FAM168A: variants seen among roughly 807,000 people sequenced by gnomAD.
FAM168A encodes family with sequence similarity 168 member A.
A neutral mutation model predicts 28.5 loss-of-function variants in FAM168A; 3 were observed. The observed-to-expected ratio is 0.11, with a 90% CI of 0.05 to 0.27. The LOEUF is 0.27. FAM168A is among the 10% of genes least tolerant of loss of function. FAM168A has a pLI of 1.00. For missense variants in FAM168A, 222 were observed against 311.5 expected (o/e 0.71, Z 2.16); for synonymous variants, 122 against 124.2 (o/e 0.98, Z 0.12).
chr11:73,484,682 CTATAGATATATAGA>C (rs1270666878), intron 1 of FAM168A, among the ~76,000 whole-genome samples: 1,396 of 128,828 alleles, frequency 0.011, 14 homozygotes, highest in Non-Finnish European at 0.014. Context: ...ATATGTATCG[CTATAGATATATAGA>C]TATAGATATA....
At chr11:73,475,955 G>A (rs889151177) in intron 1 of FAM168A, among the ~76,000 whole-genome samples, 1 of 152,142 alleles carries the variant, frequency 6.6e-6, no homozygotes, top group Non-Finnish European at 1.5e-5. Flanking sequence ...GCTACTCTGA[G>A]GTCATACTAG....
At chr11:73,413,339 G>T (rs1016363824) in intron 4 of FAM168A, among the ~76,000 whole-genome samples, 1 of 152,214 alleles carries the variant, frequency 6.6e-6, no homozygotes, top group African/African-American at 2.4e-5. Flanking sequence ...AGAATGGAAA[G>T]TACATATGAA....
rs149838048 is a variant in FAM168A, at chr11:73,491,610, T to C, written c.-18-23118A>G. The stretch of plus-strand genomic sequence containing the variant: ...TAAGTAACAGACCGGGGACTTGAAC[T>C]CAAGTTCCCTATTCTTTCTCCTGCA... On this transcript the variant is annotated intron_variant, in intron 1 of 7. Transcript: ENST00000356467. Among the ~76,000 whole-genome samples, 62 of 152,334 alleles carry C rather than the reference T, an allele frequency of 4.1e-4. 1 individual carries two copies. In the East Asian group the frequency reaches 0.011, roughly 28 times the overall value.
Position 73,404,924 on chromosome 11 carries a change from CCCCCAGAGGGGCTGCTGGCCCAG to C in FAM168A, c.*1816_*1838del, listed in dbSNP as rs1173978854. 6.6e-6 allele frequency: 1 copy of C among 152,246 alleles called. No individual in the cohort carries two copies. Among genetic ancestry groups the C allele is most frequent in the African/African-American group, 2.4e-5 (1 of 41,474 alleles). The allele number at this position is 152,246 out of a possible 1,614,324, so 9.4% of individuals were successfully genotyped here. ...TTTACAATAAAATGTTCGTGCCCCA[CCCCCAGAGGGGCTGCTGGCCCAG>C]CCAAGCGCTGGGTGCCGGAGGCTGC... On this transcript the variant is annotated 3_prime_UTR_variant, in exon 8 of 8. Coordinates refer to ENST00000356467, the MANE Select transcript of FAM168A (RefSeq NM_015159.3).
At chr11:73,443,770 G>C (rs1257766061) in intron 2 of FAM168A, among the ~76,000 whole-genome samples, 2 of 152,134 alleles carry the variant, frequency 1.3e-5, no homozygotes, top group Non-Finnish European at 2.9e-5. Context: ...CCTGGGTTTT[G>C]ATATTTTAAA....
At chr11:73,439,065 T>C (rs1238486463) in intron 2 of FAM168A, among the ~76,000 whole-genome samples, 5 of 152,028 alleles carry the variant, frequency 3.3e-5, no homozygotes, top group Non-Finnish European at 7.4e-5. Context: ...GCTGGGAGGC[T>C]TGACTGCTGA....
intron 2 of FAM168A, among the ~76,000 whole-genome samples, chr11:73,434,618 A>ACTCTAC (rs1380194730): frequency 2.2e-4 from 34 of 152,338 alleles, no homozygotes; most frequent in African/African-American, 8.2e-4. Context: ...GTAGTAGTAG[A>ACTCTAC]GTAAGTCAGA....
At chr11:73,593,972 T>C (rs1327189085) in intron 1 of FAM168A, among the ~76,000 whole-genome samples, 1 of 152,254 alleles carries the variant, frequency 6.6e-6, no homozygotes, top group Non-Finnish European at 1.5e-5. Flanking sequence ...AACTGCTTTC[T>C]GTTCATTTTT....
At chr11:73,432,076 G>A (rs553152933) in intron 2 of FAM168A, among the ~76,000 whole-genome samples, 2 of 152,240 alleles carry the variant, frequency 1.3e-5, no homozygotes, top group Admixed American at 6.5e-5. Context: ...TGTGTTTAAG[G>A]TTCATCCATG....
At chr11:73,420,686 C>G (rs938698951) in intron 3 of FAM168A, among the ~76,000 whole-genome samples, 10 of 152,224 alleles carry the variant, frequency 6.6e-5, no homozygotes, top group Admixed American at 1.3e-4. Context: ...GGGTGCCCCA[C>G]CTGGGATATT....
chr11:73,522,631 T>C (rs1035829589), intron 1 of FAM168A, among the ~76,000 whole-genome samples: 2 of 150,808 alleles, frequency 1.3e-5, no homozygotes, highest in Admixed American at 6.6e-5. Context: ...CCACCACGCC[T>C]GGCCAGGAAC....
At position 73,439,879 on chromosome 11, in the gene FAM168A, C is replaced by CTTTT. The variant is rs761818483; in HGVS notation, c.71-9113_71-9110dup. ...ATGAATACCTTTGTCTCTCAGGTCA[C>CTTTT]TTTTTTTTTTTTTTTTTTTTTTTGA... On this transcript the variant is annotated intron_variant, in intron 2 of 7. Coordinates refer to ENST00000356467, the MANE Select transcript of FAM168A (RefSeq NM_015159.3). Among the ~76,000 whole-genome samples, 271 of 97,012 alleles carry CTTTT rather than the reference C, an allele frequency of 2.8e-3. 1 individual carries two copies. The highest frequency in any genetic ancestry group is 3.7e-3 in the Non-Finnish European group (189 of 50,414). 63.6% of individuals were successfully genotyped at this position (97,012 alleles called of 152,430 possible).
At chr11:73,510,902 T>C (rs888678801) in intron 1 of FAM168A, 11 of 273,620 alleles carry the variant, frequency 4.0e-5, no homozygotes, top group Non-Finnish European at 5.5e-5. Context: ...CAATGGAACC[T>C]CAAAGCGGGA....
intron 1 of FAM168A, among the ~76,000 whole-genome samples, chr11:73,557,136 A>G (rs1282570568): frequency 6.6e-6 from 1 of 152,232 alleles, no homozygotes; most frequent in African/African-American, 2.4e-5. Flanking sequence ...TGTGGTATAT[A>G]CATACAATGG....
rs1042125723 is a variant in FAM168A at position 73,402,213 on chromosome 11, T to C, written c.*4550A>G. 6.6e-6 allele frequency: 1 copy of C among 152,196 alleles called. No individual in the cohort carries two copies. Among genetic ancestry groups the C allele is most frequent in the African/African-American group, 2.4e-5 (1 of 41,442 alleles). 9.4% of individuals were successfully genotyped at this position (152,196 alleles called of 1,614,324 possible). ...TCCACGTATTTTCACTTAACTGCAA[T>C]TGAGGAGGAATTCTGATACAGATGG... On this transcript the variant is annotated 3_prime_UTR_variant, in exon 8 of 8. Transcript: ENST00000356467.
chr11:73,452,693 C>T (rs997729538), intron 2 of FAM168A, among the ~76,000 whole-genome samples: 41 of 152,060 alleles, frequency 2.7e-4, no homozygotes, highest in African/African-American at 9.4e-4. Context: ...CCCTCTCTCT[C>T]CATCTACCTA....
intron 1 of FAM168A, among the ~76,000 whole-genome samples, chr11:73,575,402 C>T (rs1342473592): frequency 2.0e-5 from 3 of 152,200 alleles, no homozygotes; most frequent in Non-Finnish European, 2.9e-5. Flanking sequence ...TTAATTTCAA[C>T]TTGAATGTAT....
At chr11:73,427,851 A>G (rs886688677) in intron 3 of FAM168A, among the ~76,000 whole-genome samples, 3 of 152,202 alleles carry the variant, frequency 2.0e-5, no homozygotes, top group Non-Finnish European at 4.4e-5. Flanking sequence ...GAGCCTGGAC[A>G]AATTCACAGC....
intron 1 of FAM168A, among the ~76,000 whole-genome samples, chr11:73,519,042 T>C (rs1390414230): frequency 3.3e-5 from 5 of 152,184 alleles, no homozygotes; most frequent in Non-Finnish European, 5.9e-5. Flanking sequence ...TACAGGACCA[T>C]GAGCCAAAGA....
Sources: allele counts gnomAD v4.1 joint callset (sites outside exome capture counted in the v4.1 genomes callset), GRCh38; gene constraint gnomAD v4.1.1; transcripts MANE v1.5; gene names NCBI Gene and HGNC (gene_info 2026-07-23, HGNC 2026-07-21).